PARD3B: variants seen among roughly 807,000 people sequenced by gnomAD.
PARD3B encodes partitioning defective 3 homolog B.
A neutral mutation model predicts 130.2 loss-of-function variants in PARD3B; 103 were observed. That is an observed-to-expected ratio of 0.79 (90% CI 0.67 to 0.93). PARD3B has a LOEUF of 0.93. PARD3B is among the 40% of genes least tolerant of loss of function. PARD3B has a pLI of 0.00. For synonymous variants in PARD3B, 583 were observed against 553.2 expected (o/e 1.05, Z -0.76); for missense variants, 1,609 against 1,499.2 (o/e 1.07, Z -1.21).
intron 20 of PARD3B, among the ~76,000 whole-genome samples, chr2:205,455,288 C>G (rs1258759407): frequency 6.6e-6 from 1 of 152,022 alleles, no homozygotes; most frequent in Non-Finnish European, 1.5e-5. Flanking sequence ...AGCCACATAC[C>G]TTTTCATTAT....
intron 22 of PARD3B, among the ~76,000 whole-genome samples, chr2:205,579,032 T>C (rs2053866220): frequency 6.6e-6 from 1 of 152,222 alleles, no homozygotes; most frequent in Admixed American, 6.5e-5. Context: ...ACACGTAACA[T>C]AATGAACAAA....
chr2:204,655,314 A>G lies in PARD3B; in HGVS notation c.121-30867A>G, dbSNP rs542045828. Among the ~76,000 whole-genome samples the G allele has an allele frequency of 3.9e-5, 6 of 152,182 alleles. No individual in the cohort carries two copies. The South Asian group carries it at 6.2e-4, about 16-fold the overall frequency. On this transcript the variant is annotated intron_variant, in intron 1 of 22. Transcript: ENST00000406610. ...CTCCCTAAAGTTATGCAATATCCCA[A>G]TATCCCTGCTTGAATTTCCACATAG...
At chr2:205,433,119 A>G (rs983560715) in intron 19 of PARD3B, among the ~76,000 whole-genome samples, 1 of 152,246 alleles carries the variant, frequency 6.6e-6, no homozygotes, top group African/African-American at 2.4e-5. Context: ...TAGATAATGC[A>G]TTTAAAAGAG....
At chr2:205,425,007 AC>A (rs2047094831) in intron 19 of PARD3B, among the ~76,000 whole-genome samples, 1 of 152,230 alleles carries the variant, frequency 6.6e-6, no homozygotes, top group Non-Finnish European at 1.5e-5. Context: ...TCAACAAGTT[AC>A]AAATTTTATC....
chr2:205,490,470 T>G (rs988451624), intron 20 of PARD3B, among the ~76,000 whole-genome samples: 39 of 152,308 alleles, frequency 2.6e-4, no homozygotes, highest in Non-Finnish European at 1.2e-4. Context: ...TGCATAGTAT[T>G]CTGTGGTGTA....
intron 2 of PARD3B, among the ~76,000 whole-genome samples, chr2:204,850,554 G>A (rs2044666538): frequency 6.6e-6 from 1 of 151,950 alleles, no homozygotes; most frequent in Non-Finnish European, 1.5e-5. Context: ...CATGTAAAAG[G>A]CAGAGGCAGT....
At chr2:204,935,353 C>T (rs1013873443) in intron 2 of PARD3B, among the ~76,000 whole-genome samples, 34 of 145,740 alleles carry the variant, frequency 2.3e-4, no homozygotes, top group Non-Finnish European at 7.6e-5. Context: ...CACGGTGAAA[C>T]CCTGTCTCTA....
Position 204,971,208 on chromosome 2 carries a change from G to C in PARD3B, c.394+5885G>C, listed in dbSNP as rs181969254. ...TTATGGCGCTGATCTTCAGGAAAAC[G>C]TAAAGAAAGGGGAAGTTTATTCCTT... On this transcript the variant is annotated intron_variant, in intron 3 of 22. Transcript: ENST00000406610. Among the ~76,000 whole-genome samples the C allele has an allele frequency of 1.7e-4, 26 of 152,234 alleles. 1 individual carries two copies. The East Asian group carries it at 4.0e-3, about 24-fold the overall frequency.
intron 1 of PARD3B, among the ~76,000 whole-genome samples, chr2:204,551,152 C>A (rs538707066): frequency 6.6e-6 from 1 of 152,314 alleles, no homozygotes; most frequent in Admixed American, 6.5e-5. Context: ...GCTCGTGGGG[C>A]CTGCTGTGAC....
chr2:204,585,883 A>G (rs2032800541), intron 1 of PARD3B, among the ~76,000 whole-genome samples: 1 of 152,204 alleles, frequency 6.6e-6, no homozygotes, highest in Non-Finnish European at 1.5e-5. Context: ...TTTGAAGACT[A>G]GTTACTTCCT....
intron 21 of PARD3B, among the ~76,000 whole-genome samples, chr2:205,536,354 C>A (rs2051857609): frequency 6.6e-6 from 1 of 152,154 alleles, no homozygotes; most frequent in African/African-American, 2.4e-5. Context: ...CTTTCCACAG[C>A]ATTGCATTCT....
At chr2:204,736,967 G>A (rs1373808250) in intron 2 of PARD3B, among the ~76,000 whole-genome samples, 1 of 152,054 alleles carries the variant, frequency 6.6e-6, no homozygotes, top group African/African-American at 2.4e-5. Flanking sequence ...TATTTATTGA[G>A]ATGGAGTTTT....
At position 205,320,818 on chromosome 2, in the gene PARD3B, A is replaced by C. The variant is rs151090610; in HGVS notation, c.2630+19117A>C. Among the ~76,000 whole-genome samples the C allele has an allele frequency of 3.5e-3, 538 of 152,354 alleles. 2 individuals carry two copies. The highest frequency in any genetic ancestry group is 5.9e-3 in the Non-Finnish European group (398 of 68,026). Reference sequence around the variant, plus strand: ...GTCTCAACTGATTGTTAATGGAAGAAAGTCTAGCTGGGCCAATATTTCAAT... The same window carrying C: ...GTCTCAACTGATTGTTAATGGAAGACAGTCTAGCTGGGCCAATATTTCAAT... On this transcript the variant is annotated intron_variant, in intron 18 of 22. Transcript: ENST00000406610.
intron 22 of PARD3B, among the ~76,000 whole-genome samples, chr2:205,604,316 G>C (rs1316037283): frequency 6.6e-6 from 1 of 152,178 alleles, no homozygotes; most frequent in African/African-American, 2.4e-5. Context: ...CACAATCGTG[G>C]TGGGAGGCAA....
At chr2:204,939,693 G>A (rs1168746998) in intron 2 of PARD3B, among the ~76,000 whole-genome samples, 1 of 152,144 alleles carries the variant, frequency 6.6e-6, no homozygotes, top group Non-Finnish European at 1.5e-5. Context: ...ACAAAGAGGG[G>A]TATTATAAAC....
Position 205,463,439 on chromosome 2 carries a change from A to T in PARD3B, c.3044+22767A>T, listed in dbSNP as rs1449336549. Among the ~76,000 whole-genome samples, 5 of 81,632 alleles carry T rather than the reference A, an allele frequency of 6.1e-5. No homozygotes were observed. Among genetic ancestry groups the T allele is most frequent in the Admixed American group, 2.4e-4 (2 of 8,488 alleles). The allele number at this position is 81,632 out of a possible 152,430, so 53.6% of individuals were successfully genotyped here. A position where few individuals can be genotyped will look rare whatever the true frequency, so the allele number is the denominator to read the frequency against. ...ACATTTCACTGCACATTAATTCTTT[A>T]AAAAAAAAAAAAAAAAAAAACCTGT... On this transcript the variant is annotated intron_variant, in intron 20 of 22. Transcript: ENST00000406610. The surrounding 1 kb of genome is among the most constrained non-coding windows in gnomAD (Gnocchi z 4.8).
intron 2 of PARD3B, among the ~76,000 whole-genome samples, chr2:204,882,530 C>T (rs1391479060): frequency 1.3e-5 from 2 of 152,206 alleles, no homozygotes; most frequent in African/African-American, 4.8e-5. Flanking sequence ...TCCCCTCCTT[C>T]ATCCTTCACA....
intron 18 of PARD3B, among the ~76,000 whole-genome samples, chr2:205,312,196 G>C (rs1374382063): frequency 6.6e-6 from 1 of 152,200 alleles, no homozygotes; most frequent in Non-Finnish European, 1.5e-5. Context: ...TAAAATGCCT[G>C]GGTATCCCTT....
Position 205,122,086 on chromosome 2 carries a change from G to T in PARD3B, c.1165+137G>T. On this transcript the variant is annotated intron_variant, in intron 8 of 22. Transcript: ENST00000406610. The surrounding 1 kb of genome is among the most constrained non-coding windows in gnomAD (Gnocchi z 4.3). ...AAGAATAGATTTAAGTGTATACTTA[G>T]GTAACTTAAATTTCTTGAAATTGTA... 1 of 759,230 alleles carries T rather than the reference G, an allele frequency of 1.3e-6. No homozygotes were observed. The highest frequency in any genetic ancestry group is 2.0e-6 in the Non-Finnish European group (1 of 489,272). The allele number at this position is 759,230 out of a possible 1,614,324, so 47.0% of individuals were successfully genotyped here. A position where few individuals can be genotyped will look rare whatever the true frequency, so the allele number is the denominator to read the frequency against.
Sources: allele counts gnomAD v4.1 joint callset (sites outside exome capture counted in the v4.1 genomes callset), GRCh38; gene constraint gnomAD v4.1.1; non-coding constraint Gnocchi (gnomAD v3.1); transcripts MANE v1.5; gene names NCBI Gene and HGNC (gene_info 2026-07-23, HGNC 2026-07-21).